The following USH2A variants were observed in gnomAD, a reference collection of about 807,000 sequenced individuals.
USH2A encodes Usher syndrome 2A (autosomal recessive, mild).
A neutral mutation model predicts 538.9 loss-of-function variants in USH2A; 443 were observed. The ratio of observed to expected loss-of-function variants is 0.82; its 90% CI spans 0.76 to 0.89. USH2A has a LOEUF of 0.89. Ranked by LOEUF, USH2A falls within the 40% of genes least tolerant of loss-of-function variation. The probability of loss-of-function intolerance (pLI) is 0.00; values close to 1 mark genes in which losing one functional copy is unlikely to be tolerated. For missense variants in USH2A, 6,633 were observed against 6,324.8 expected (o/e 1.05, Z -1.65); for synonymous variants, 2,413 against 2,273.5 (o/e 1.06, Z -1.75).
intron 38 of USH2A, among the ~76,000 whole-genome samples, chr1:215,928,204 C>T (rs553380618): frequency 7.2e-5 from 11 of 152,036 alleles, no homozygotes; most frequent in African/African-American, 2.4e-4. Flanking sequence ...TTTAAATCAC[C>T]TACTTATAAG....
intron 19 of USH2A, among the ~76,000 whole-genome samples, chr1:216,194,767 G>C (rs1558309345): frequency 6.6e-6 from 1 of 152,078 alleles, no homozygotes; most frequent in African/African-American, 2.4e-5. Context: ...TCTGAAGGGA[G>C]CATATTCCAC....
intron 22 of USH2A, among the ~76,000 whole-genome samples, chr1:216,092,064 C>T (rs2032315158): frequency 6.6e-6 from 1 of 152,066 alleles, no homozygotes; most frequent in African/African-American, 2.4e-5. Context: ...ACAAACATCA[C>T]AAAATATCTG....
chr1:215,856,670 A>T (rs922607002), intron 44 of USH2A, among the ~76,000 whole-genome samples: 7 of 152,170 alleles, frequency 4.6e-5, no homozygotes, highest in Non-Finnish European at 7.3e-5. Context: ...TAGATTTACC[A>T]TTTGATTCAT....
chr1:216,311,634 A>G (rs2037421545), intron 9 of USH2A, among the ~76,000 whole-genome samples: 1 of 152,072 alleles, frequency 6.6e-6, no homozygotes, highest in South Asian at 2.1e-4. Context: ...CCATTTTGGA[A>G]CTGGAAGTCA....
intron 38 of USH2A, among the ~76,000 whole-genome samples, chr1:215,923,760 A>G (rs766872568): frequency 1.3e-5 from 2 of 152,102 alleles, no homozygotes; most frequent in Non-Finnish European, 2.9e-5. Context: ...GATAGTAATC[A>G]TTACTAATAT....
chr1:216,360,105 C>T (rs1362978608), intron 4 of USH2A, among the ~76,000 whole-genome samples: 1 of 152,128 alleles, frequency 6.6e-6, no homozygotes, highest in African/African-American at 2.4e-5. Flanking sequence ...AAAACCTACA[C>T]ACTGATGTTT....
At chr1:215,705,780 A>G (rs1043272292) in intron 61 of USH2A, among the ~76,000 whole-genome samples, 1 of 152,128 alleles carries the variant, frequency 6.6e-6, no homozygotes, top group Non-Finnish European at 1.5e-5. Context: ...CAAAGCAAAA[A>G]CCAGTTACAA....
chr1:216,378,162 C>A lies in USH2A; in HGVS notation c.652-13077G>T, dbSNP rs114407495. Among the ~76,000 whole-genome samples, 752 of 152,074 alleles carry A rather than the reference C, an allele frequency of 4.9e-3. 4 individuals are homozygous for A. Among genetic ancestry groups the A allele is most frequent in the African/African-American group, 0.017 (722 of 41,470 alleles). ...ATGAGCCTAAACTATTTCCAGATAT[C>A]TTTAGAAATAAATCAATAATGAAGG... On this transcript the variant is annotated intron_variant, in intron 3 of 71. Coordinates refer to ENST00000307340, the MANE Select transcript of USH2A (RefSeq NM_206933.4).
At chr1:215,833,783 G>T (rs377481515) in intron 47 of USH2A, among the ~76,000 whole-genome samples, 2 of 151,910 alleles carry the variant, frequency 1.3e-5, no homozygotes, top group East Asian at 3.9e-4. Context: ...AGAAATATCT[G>T]TAAATCACAT....
At chr1:215,693,112 A>ATG (rs1208145247) in intron 61 of USH2A, among the ~76,000 whole-genome samples, 9 of 45,584 alleles carry the variant, frequency 2.0e-4, no homozygotes, top group African/African-American at 5.0e-4. Context: ...GTGTGTGTGT[A>ATG]TGTGTATATA....
At chr1:215,697,268 T>G (rs1373853087) in intron 61 of USH2A, among the ~76,000 whole-genome samples, 1 of 152,000 alleles carries the variant, frequency 6.6e-6, no homozygotes, top group Non-Finnish European at 1.5e-5. Flanking sequence ...CTGCCCCCTA[T>G]TTTTGATATT....
At chr1:215,652,674 A>G (rs1465474722) in intron 64 of USH2A, among the ~76,000 whole-genome samples, 2 of 152,186 alleles carry the variant, frequency 1.3e-5, no homozygotes, top group Non-Finnish European at 2.9e-5. Flanking sequence ...CTGTCTCCTC[A>G]CTGTGCCCCA....
chr1:215,818,482 G>A (rs368962975), intron 47 of USH2A, among the ~76,000 whole-genome samples: 40 of 151,138 alleles, frequency 2.6e-4, no homozygotes, highest in East Asian at 1.6e-3. Context: ...AAAGATTCCC[G>A]TAAGAAATAT....
chr1:215,828,560 G>C (rs1663221186), intron 47 of USH2A, among the ~76,000 whole-genome samples: 1 of 152,180 alleles, frequency 6.6e-6, no homozygotes, highest in African/African-American at 2.4e-5. Flanking sequence ...CAAAGTTTGT[G>C]TATAAGAATA....
chr1:215,720,139 C>T (rs1659611592), intron 61 of USH2A, among the ~76,000 whole-genome samples: 1 of 152,068 alleles, frequency 6.6e-6, no homozygotes, highest in Non-Finnish European at 1.5e-5. Context: ...CTATGAAGAT[C>T]TATGTAGACA....
chr1:215,796,580 G>T (rs551118645), intron 50 of USH2A, among the ~76,000 whole-genome samples: 1 of 152,152 alleles, frequency 6.6e-6, no homozygotes, highest in Admixed American at 6.6e-5. Context: ...CAGACCAGCC[G>T]TTCCTTTATC....
At chr1:216,248,406 G>A (rs1031907951) in intron 12 of USH2A, among the ~76,000 whole-genome samples, 2 of 151,874 alleles carry the variant, frequency 1.3e-5, no homozygotes, top group African/African-American at 2.4e-5. Context: ...CTCACTGCAT[G>A]GGTTGAATCA....
In USH2A at chr1:216,292,229, C is replaced by T. The variant is rs2037015194; in HGVS notation, c.1786G>A (p.Glu596Lys). 7.4e-6 allele frequency: 12 copies of T among 1,614,022 alleles called. No homozygotes were observed. The highest frequency in any genetic ancestry group is 1.3e-5 in the African/African-American group (1 of 75,034). ...YNISVDPFPFEHFRGGGGVCD... is the reference protein window; with the variant it reads ...YNISVDPFPFKHFRGGGGVCD... ...ACTCCTCCTCCCCCTCTGAAGTGCT[C>T]AAAAGGAAATGGGTCTACAGAGATG... is the stretch of plus-strand genomic sequence containing the variant. Residue 596 changes from glutamate to lysine, a missense_variant, in exon 10 of 72, where the codon GAG becomes AAG. Transcript: ENST00000307340.
intron 19 of USH2A, among the ~76,000 whole-genome samples, chr1:216,194,568 T>C (rs904416748): frequency 5.9e-5 from 9 of 152,046 alleles, no homozygotes; most frequent in African/African-American, 2.2e-4. Context: ...AGGTAAGACA[T>C]ATGTGTTCTA....
Sources: allele counts gnomAD v4.1 joint callset (sites outside exome capture counted in the v4.1 genomes callset), GRCh38; gene constraint gnomAD v4.1.1; transcripts MANE v1.5; gene names NCBI Gene and HGNC (gene_info 2026-07-23, HGNC 2026-07-21).